The following SH3RF3 variants were observed in gnomAD, a reference collection of about 807,000 sequenced individuals.
SH3RF3 encodes the protein SH3 domain containing ring finger 3, also known as E3 ubiquitin-protein ligase SH3RF3.
SH3RF3 carries 29 observed loss-of-function variants against 66.3 expected under a neutral mutation model. The ratio of observed to expected loss-of-function variants is 0.44; its 90% CI spans 0.33 to 0.60. The LOEUF is 0.60. Among genes scored for constraint, SH3RF3 ranks in the 20% least tolerant of loss-of-function variants. The pLI, the probability that SH3RF3 is intolerant of heterozygous loss-of-function variation, is 0.04. For missense variants in SH3RF3, 1,194 were observed against 1,190.9 expected (o/e 1.00, Z -0.04); for synonymous variants, 583 against 532.0 (o/e 1.10, Z -1.32).
At chr2:109,200,708 C>T (rs1678649790) in intron 1 of SH3RF3, among the ~76,000 whole-genome samples, 1 of 152,206 alleles carries the variant, frequency 6.6e-6, no homozygotes, top group Non-Finnish European at 1.5e-5. Context: ...GTTGGTTCAC[C>T]TGCTCACAGG....
At chr2:109,350,965 C>G (rs973651149) in intron 2 of SH3RF3, among the ~76,000 whole-genome samples, 2 of 152,198 alleles carry the variant, frequency 1.3e-5, no homozygotes, top group African/African-American at 4.8e-5. Context: ...TGGATCAAAG[C>G]AAGATTTTTA....
In SH3RF3 at chr2:109,325,564, C is replaced by T. The variant is rs940900975; in HGVS notation, c.574-22110C>T. 2.0e-5 allele frequency among the ~76,000 whole-genome samples: 3 copies of T among 151,962 alleles called. No individual in the cohort carries two copies. In the East Asian group the frequency reaches 5.8e-4, roughly 29 times the overall value. On this transcript the variant is annotated intron_variant, in intron 1 of 9. Coordinates refer to ENST00000309415, the MANE Select transcript of SH3RF3 (RefSeq NM_001099289.3). ...AGTGACACAGCCCCTTTACAACATC[C>T]CTTAATATGGCTGCTCTGAGTCTGC... is the stretch of plus-strand genomic sequence containing the variant.
At chr2:109,490,570 C>A (rs1454044745) in intron 8 of SH3RF3, 35 bp from the exon 9 acceptor site, 3 of 1,393,208 alleles carry the variant, frequency 2.2e-6, no homozygotes, top group Non-Finnish European at 2.8e-6. Flanking sequence ...GGGAAGCATT[C>A]ACCTGTTTGG....
At chr2:109,163,341 A>G (rs542187618) in intron 1 of SH3RF3, among the ~76,000 whole-genome samples, 92 of 151,512 alleles carry the variant, frequency 6.1e-4, no homozygotes, top group Non-Finnish European at 1.1e-3. Context: ...TTTAAGGGCC[A>G]TCAAAGGGCG....
intron 1 of SH3RF3, among the ~76,000 whole-genome samples, chr2:109,180,765 T>C (rs1383567049): frequency 6.6e-6 from 1 of 152,200 alleles, no homozygotes; most frequent in Non-Finnish European, 1.5e-5. Flanking sequence ...ATTAAACCTC[T>C]TTATTTTGTA....
rs78538630 is a variant in SH3RF3, at chr2:109,294,358, C to T, written c.574-53316C>T. Among the ~76,000 whole-genome samples the T allele has an allele frequency of 9.2e-5, 14 of 152,002 alleles. No individual in the cohort carries two copies. In the East Asian group the frequency reaches 2.3e-3, roughly 25 times the overall value. Reference sequence around the variant, plus strand: ...GGTGGATCGCTTGAGTCCAGGAGCTCGAGACCAGCTTGGTCAACATGGTGA... The same window carrying T: ...GGTGGATCGCTTGAGTCCAGGAGCTTGAGACCAGCTTGGTCAACATGGTGA... On this transcript the variant is annotated intron_variant, in intron 1 of 9. Coordinates refer to ENST00000309415, the MANE Select transcript of SH3RF3 (RefSeq NM_001099289.3).
At chr2:109,152,422 C>T (rs959953635) in intron 1 of SH3RF3, among the ~76,000 whole-genome samples, 2 of 152,140 alleles carry the variant, frequency 1.3e-5, no homozygotes, top group African/African-American at 4.8e-5. Flanking sequence ...TTCTGGGCTC[C>T]GATCTCAAGT....
chr2:109,449,398 A>G lies in SH3RF3; in HGVS notation c.2057A>G (p.Asn686Ser), dbSNP rs1208701564. 14 of 1,612,742 alleles carry G rather than the reference A, an allele frequency of 8.7e-6. No individual in the cohort carries two copies. The highest frequency in any genetic ancestry group is 1.3e-5 in the African/African-American group (1 of 74,778). The change falls in exon 8 of 10, where the codon AAC becomes AGC. Residue 686 changes from asparagine (N) to serine (S), a missense_variant. Physicochemically the swap from Asn to Ser is conservative, Grantham distance 46 (BLOSUM62 1). Coordinates refer to ENST00000309415, the MANE Select transcript of SH3RF3 (RefSeq NM_001099289.3). ...CCCAACGTCAGTGCCGCAAACCTCA[A>G]CGGGGAGGCTGGAGGGGGGCCCATC... ...TPPNVSAANL[N>S]GEAGGGPIGV... is the part of the protein sequence containing the mutation.
intron 1 of SH3RF3, among the ~76,000 whole-genome samples, chr2:109,209,668 A>G (rs1383667436): frequency 6.6e-6 from 1 of 152,172 alleles, no homozygotes; most frequent in Non-Finnish European, 1.5e-5. Context: ...TCCTCTGGCA[A>G]GCAGGACCCA....
chr2:109,412,598 C>T (rs1676620670), intron 4 of SH3RF3, among the ~76,000 whole-genome samples: 1 of 152,174 alleles, frequency 6.6e-6, no homozygotes, highest in Non-Finnish European at 1.5e-5. Flanking sequence ...GTCACCCCTG[C>T]CCTTTGTCAG....
At chr2:109,191,846 AC>A (rs1678375166) in intron 1 of SH3RF3, among the ~76,000 whole-genome samples, 3 of 152,024 alleles carry the variant, frequency 2.0e-5, no homozygotes, top group African/African-American at 7.3e-5. Flanking sequence ...AAAAACAATA[AC>A]CCTTTAAGGT....
At chr2:109,327,956 T>C (rs1325008102) in intron 1 of SH3RF3, among the ~76,000 whole-genome samples, 2 of 152,238 alleles carry the variant, frequency 1.3e-5, no homozygotes, top group Admixed American at 1.3e-4. Context: ...ACAATGACCC[T>C]GTGTCAGGCG....
chr2:109,290,181 C>T (rs748983587), intron 1 of SH3RF3, among the ~76,000 whole-genome samples: 7 of 152,162 alleles, frequency 4.6e-5, no homozygotes, highest in East Asian at 1.9e-4. Flanking sequence ...CTTCTTTGTC[C>T]GGGTGGCTTA....
At chr2:109,275,886 G>C (rs1680746373) in intron 1 of SH3RF3, among the ~76,000 whole-genome samples, 1 of 152,190 alleles carries the variant, frequency 6.6e-6, no homozygotes, top group South Asian at 2.1e-4. Context: ...TCCACTCTAG[G>C]TTTATGGAGA....
intron 1 of SH3RF3, chr2:109,313,748 G>C (rs938688495): frequency 6.5e-6 from 1 of 155,002 alleles, no homozygotes; most frequent in Non-Finnish European, 1.5e-5. Flanking sequence ...AGGTGCTTCC[G>C]GTTTCTTTGT....
intron 4 of SH3RF3, among the ~76,000 whole-genome samples, chr2:109,411,304 A>G (rs757448679): frequency 6.6e-6 from 1 of 152,206 alleles, no homozygotes; most frequent in Non-Finnish European, 1.5e-5. Context: ...TCCCAATTAC[A>G]GTCATTTAAA....
chr2:109,317,568 C>G (rs995296222), intron 1 of SH3RF3, among the ~76,000 whole-genome samples: 1 of 152,166 alleles, frequency 6.6e-6, no homozygotes, highest in African/African-American at 2.4e-5. Context: ...ATCTCTTTCC[C>G]TGCTCCTTCT....
intron 1 of SH3RF3, among the ~76,000 whole-genome samples, chr2:109,195,650 C>T (rs779778678): frequency 2.6e-5 from 4 of 152,206 alleles, no homozygotes; most frequent in African/African-American, 7.2e-5. Context: ...AGCCTCTGAC[C>T]GTGTGCCAGA....
chr2:109,389,799 A>G (rs1018926408), intron 3 of SH3RF3, among the ~76,000 whole-genome samples: 24 of 152,194 alleles, frequency 1.6e-4, no homozygotes, highest in Non-Finnish European at 8.8e-5. Flanking sequence ...ACATCAGAAT[A>G]TAAATGCAGA....
Sources: allele counts gnomAD v4.1 joint callset (sites outside exome capture counted in the v4.1 genomes callset), GRCh38; gene constraint gnomAD v4.1.1; transcripts MANE v1.5; gene names NCBI Gene and HGNC (gene_info 2026-07-23, HGNC 2026-07-21).